The following TRIM29 variants were observed in gnomAD, a reference collection of about 807,000 sequenced individuals.
The protein encoded by TRIM29 is tripartite motif containing 29, also known as tripartite motif-containing protein 29.
A neutral mutation model predicts 57.3 loss-of-function variants in TRIM29; 52 were observed. The ratio of observed to expected loss-of-function variants is 0.91; its 90% CI spans 0.73 to 1.14. TRIM29 has a LOEUF of 1.14. Among genes scored for constraint, TRIM29 ranks in the 50% most tolerant of loss-of-function variants. The pLI is 0.00. For missense variants in TRIM29, 753 were observed against 774.6 expected (o/e 0.97, Z 0.33); for synonymous variants, 319 against 316.9 (o/e 1.01, Z -0.07).
intron 8 of TRIM29, among the ~76,000 whole-genome samples, chr11:120,114,205 G>A (rs552884836): frequency 6.6e-6 from 1 of 152,306 alleles, no homozygotes; most frequent in South Asian, 2.1e-4. Flanking sequence ...GTGCTGATGA[G>A]CCTTCTCTTC....
chr11:120,115,373 G>A lies in TRIM29; in HGVS notation c.1669C>T (p.Pro557Ser), dbSNP rs267602724. ...TGCTTGCCAGATTTCCAAGTCTGGG[G>A]CTGGGCCTTGGGGCTTTGGCTCCGC... Reference protein sequence around the residue: ...LMRSQSPKAQPQTWKSGKQTM... With the variant: ...LMRSQSPKAQSQTWKSGKQTM... Residue 557 changes from proline (P) to serine (S), a missense_variant, in exon 8 of 9, where the codon CCC becomes TCC. Physicochemically the swap from Pro to Ser is moderately conservative, Grantham distance 74. Transcript: ENST00000341846. 10 of 1,613,828 alleles carry A rather than the reference G, an allele frequency of 6.2e-6. No individual in the cohort carries two copies. The highest frequency in any genetic ancestry group is 1.3e-5 in the African/African-American group (1 of 74,934).
chr11:120,112,817 T>C (rs1863168066), intron 8 of TRIM29, among the ~76,000 whole-genome samples: 1 of 152,160 alleles, frequency 6.6e-6, no homozygotes, highest in Non-Finnish European at 1.5e-5. Flanking sequence ...CACTTTCTAC[T>C]CCACAGAACT....
chr11:120,127,253 G>A, intron 3 of TRIM29, 83 bp downstream of exon 3: 1 of 1,194,924 alleles, frequency 8.4e-7, no homozygotes, highest in Non-Finnish European at 1.2e-6. Flanking sequence ...AAGTGGATAG[G>A]TGGATGGATG....
chr11:120,115,491 G>T, intron 7 of TRIM29, 77 bp from the exon 8 acceptor site: 3 of 1,283,188 alleles, frequency 2.3e-6, no homozygotes, highest in Non-Finnish European at 3.3e-6. Context: ...CAGCACAGCT[G>T]CCTTCTCCAA....
At chr11:120,115,474 C>A (rs3216120) in intron 7 of TRIM29, 60 bp from the exon 8 acceptor site, 411,568 of 1,419,462 alleles carry the variant, frequency 0.29, 62,775 homozygotes, top group Non-Finnish European at 0.32. Flanking sequence ...GGTGCCCGGG[C>A]CCAGAGCAGC....
chr11:120,123,526 C>G, intron 4 of TRIM29: 1 of 447,998 alleles, frequency 2.2e-6, no homozygotes, highest in Non-Finnish European at 4.5e-6. Context: ...CCAGCCACTG[C>G]TGGCAGCCTA....
chr11:120,114,286 C>T (rs1318049218), intron 8 of TRIM29, among the ~76,000 whole-genome samples: 1 of 152,192 alleles, frequency 6.6e-6, no homozygotes, highest in African/African-American at 2.4e-5. Context: ...AGAACAGAAA[C>T]CTTCTTTTTT....
chr11:120,135,812 C>T (rs1863804183), intron 1 of TRIM29, among the ~76,000 whole-genome samples: 1 of 152,146 alleles, frequency 6.6e-6, no homozygotes, highest in Admixed American at 6.5e-5. Flanking sequence ...GGAAGGAATC[C>T]TCTGCTGTCC....
intron 1 of TRIM29, chr11:120,128,935 G>A (rs992860290): frequency 5.9e-5 from 81 of 1,374,800 alleles, no homozygotes; most frequent in Middle Eastern, 2.8e-4. Context: ...AGTGTGCAGC[G>A]TTTCTATGGC....
At position 120,112,159 on chromosome 11, in the gene TRIM29, T is replaced by G; in HGVS notation, c.*255A>C. The G allele has an allele frequency of 6.6e-6, 3 of 451,640 alleles. No homozygotes were observed. The highest frequency in any genetic ancestry group is 2.1e-5 in the African/African-American group (1 of 48,552). 28.0% of individuals were successfully genotyped at this position (451,640 alleles called of 1,614,324 possible). A position where few individuals can be genotyped will look rare whatever the true frequency, so the allele number is the denominator to read the frequency against. On this transcript the variant is annotated 3_prime_UTR_variant, in exon 9 of 9. Coordinates refer to ENST00000341846, the MANE Select transcript of TRIM29 (RefSeq NM_012101.4). ...GCCCCAACCTATCTCACCCCTGTGA[T>G]GGGTTGGCCTCTGAGCACAGGAATG...
intron 6 of TRIM29, 60 bp from the exon 7 acceptor site, chr11:120,118,381 A>T (rs1863338807): frequency 1.5e-6 from 2 of 1,347,892 alleles, no homozygotes; most frequent in African/African-American, 2.9e-5. Context: ...AGGAGGCAGG[A>T]CCAGGACACA....
intron 8 of TRIM29, chr11:120,113,590 T>A (rs186986175): frequency 1.1e-5 from 5 of 455,992 alleles, no homozygotes; most frequent in African/African-American, 4.0e-5. Context: ...CACCTCCTGG[T>A]CAGCTCCTTG....
chr11:120,128,729 A>T, intron 1 of TRIM29: 1 of 1,535,630 alleles, frequency 6.5e-7, no homozygotes, highest in Non-Finnish European at 8.7e-7. Context: ...TCAGGCCACT[A>T]GGGCTGGATA....
At position 120,127,439 on chromosome 11, in the gene TRIM29, T is replaced by C; in HGVS notation, c.1031A>G (p.Lys344Arg). 1.2e-6 allele frequency: 2 copies of C among 1,613,926 alleles called. No individual in the cohort carries two copies. Among genetic ancestry groups the C allele is most frequent in the Non-Finnish European group, 1.7e-6 (2 of 1,179,928 alleles). ...QREQDAVDQV[K>R]VIMDALDERA... ...CTCATCCAGAGCATCCATGATCACC[T>C]TCACTTGGTCCACAGCATCCTGCTC... The change falls in exon 3 of 9, where the codon AAG becomes AGG. Residue 344 changes from lysine to arginine, a missense_variant. By Grantham distance (26) the Lys-to-Arg change is conservative. Coordinates refer to ENST00000341846, the MANE Select transcript of TRIM29 (RefSeq NM_012101.4).
At chr11:120,131,751 T>C (rs1226608294) in intron 1 of TRIM29, among the ~76,000 whole-genome samples, 1 of 151,642 alleles carries the variant, frequency 6.6e-6, no homozygotes, top group African/African-American at 2.4e-5. Context: ...ATGCACCTTG[T>C]GTCTGTTCAG....
chr11:120,125,595 G>A, intron 4 of TRIM29, 96 bp downstream of exon 4: 1 of 1,352,116 alleles, frequency 7.4e-7, no homozygotes, highest in Non-Finnish European at 1.0e-6. Flanking sequence ...ACAATGAGAA[G>A]AAGCTCACTG....
chr11:120,136,586 G>C (rs1345545333), intron 1 of TRIM29, among the ~76,000 whole-genome samples: 1 of 152,130 alleles, frequency 6.6e-6, no homozygotes, highest in African/African-American at 2.4e-5. Flanking sequence ...GAAGGATAAA[G>C]GAGGCTGTGG....
In TRIM29 at chr11:120,112,528, T is replaced by C. The variant is rs1258280297; in HGVS notation, c.1705-52A>G. Reference sequence around the variant, plus strand: ...GAGGCCAGACGACAGATGAGCCTGCTAGCTAGACCCACCCTACCCTAACCT... The same window carrying C: ...GAGGCCAGACGACAGATGAGCCTGCCAGCTAGACCCACCCTACCCTAACCT... On this transcript the variant is annotated intron_variant, in intron 8 of 8. Coordinates refer to ENST00000341846, the MANE Select transcript of TRIM29 (RefSeq NM_012101.4). The C allele has an allele frequency of 1.9e-6, 3 of 1,597,190 alleles. No individual in the cohort carries two copies. The East Asian group carries it at 6.7e-5, about 36-fold the overall frequency.
chr11:120,112,604 T>A, intron 8 of TRIM29, 128 bp from the exon 9 acceptor site: 1 of 889,494 alleles, frequency 1.1e-6, no homozygotes, highest in Non-Finnish European at 1.8e-6. Context: ...GGGGCCTTTT[T>A]GGCCTGATCT....
Sources: allele counts gnomAD v4.1 joint callset (sites outside exome capture counted in the v4.1 genomes callset), GRCh38; gene constraint gnomAD v4.1.1; transcripts MANE v1.5; gene names NCBI Gene and HGNC (gene_info 2026-07-23, HGNC 2026-07-21).